Variants in RALGAPA1 observed in about 807,000 individuals in gnomAD.
The protein encoded by RALGAPA1 is Ral GTPase activating protein catalytic subunit alpha 1, also known as ral GTPase-activating protein subunit alpha-1.
Under a neutral mutation model 269.6 loss-of-function variants are expected in RALGAPA1, and 52 were observed. The observed-to-expected ratio is 0.19, with a 90% CI of 0.15 to 0.24. The LOEUF (loss-of-function observed/expected upper bound fraction) is 0.24, where lower values mean the gene tolerates loss of function less well. RALGAPA1 is among the 10% of genes least tolerant of loss of function. The pLI is 1.00. For synonymous variants in RALGAPA1, 817 were observed against 1,008.3 expected, an observed-to-expected ratio of 0.81 and a Z score of 3.60; for missense variants, 1,917 against 3,013.9, an observed-to-expected ratio of 0.64 and a Z score of 8.52.
intron 21 of RALGAPA1, among the ~76,000 whole-genome samples, chr14:35,679,877 A>C (rs1334784842): frequency 3.3e-5 from 5 of 152,212 alleles, no homozygotes; most frequent in Non-Finnish European, 7.3e-5. Context: ...CAAATGAGTA[A>C]TCATATGACC....
intron 37 of RALGAPA1, among the ~76,000 whole-genome samples, chr14:35,579,563 G>A (rs980097257): frequency 4.8e-5 from 7 of 146,764 alleles, no homozygotes; most frequent in Non-Finnish European, 8.9e-5. Flanking sequence ...AAAAGAGATC[G>A]CGCCATTGCA....
chr14:35,597,286 T>G (rs1233022846), intron 36 of RALGAPA1, among the ~76,000 whole-genome samples: 1 of 152,194 alleles, frequency 6.6e-6, no homozygotes, highest in African/African-American at 2.4e-5. Flanking sequence ...CCCGTTTCCC[T>G]CATAGCCTTT....
chr14:35,605,534 A>C, intron 36 of RALGAPA1, 52 bp downstream of exon 36: 6 of 1,508,868 alleles, frequency 4.0e-6, no homozygotes, highest in African/African-American at 1.4e-5. Flanking sequence ...AAAAAAGAAA[A>C]ATAAGCTTAT....
At chr14:35,792,973 A>G (rs553398548) in intron 1 of RALGAPA1, among the ~76,000 whole-genome samples, 82 of 152,082 alleles carry the variant, frequency 5.4e-4, no homozygotes, top group Non-Finnish European at 9.9e-4. Flanking sequence ...TAAACTAAAG[A>G]AATGATGGTA....
intron 1 of RALGAPA1, chr14:35,807,740 AG>A (rs1431442609): frequency 3.3e-5 from 5 of 152,230 alleles, no homozygotes; most frequent in African/African-American, 1.2e-4. Flanking sequence ...AATAGACTAG[AG>A]AAACATGTAC....
At chr14:35,539,799 T>G (rs2138947471) in intron 41 of RALGAPA1, 109 bp from the exon 42 acceptor site, 1 of 1,485,892 alleles carries the variant, frequency 6.7e-7, no homozygotes. Flanking sequence ...TAATAAGATC[T>G]TTCGAGGGAA....
chr14:35,741,862 T>C (rs2071584392), intron 11 of RALGAPA1, among the ~76,000 whole-genome samples: 1 of 152,186 alleles, frequency 6.6e-6, no homozygotes. Flanking sequence ...CTCTAGTCTT[T>C]CTTATCACAG....
chr14:35,681,687 T>C (rs1056996502), intron 21 of RALGAPA1, among the ~76,000 whole-genome samples: 1 of 152,194 alleles, frequency 6.6e-6, no homozygotes. Flanking sequence ...CCTTTAAGTA[T>C]ACAGTTATTT....
At chr14:35,609,517 C>A (rs550761970) in intron 35 of RALGAPA1, among the ~76,000 whole-genome samples, 1 of 152,126 alleles carries the variant, frequency 6.6e-6, no homozygotes, top group Non-Finnish European at 1.5e-5. Flanking sequence ...AAGAAGTGCT[C>A]ATTGGGAAAT....
At chr14:35,620,295 T>C (rs929531103) in intron 35 of RALGAPA1, among the ~76,000 whole-genome samples, 8 of 152,002 alleles carry the variant, frequency 5.3e-5, no homozygotes, top group African/African-American at 4.8e-5. Context: ...AAAAGGCCTT[T>C]GACAAAATTC....
chr14:35,727,875 C>A (rs567943529), intron 13 of RALGAPA1, among the ~76,000 whole-genome samples: 15 of 152,164 alleles, frequency 9.9e-5, no homozygotes, highest in African/African-American at 3.4e-4. Flanking sequence ...TCAGAAGGTG[C>A]CCAGGGAAGA....
intron 27 of RALGAPA1, 112 bp downstream of exon 27, chr14:35,664,527 GTTC>G: frequency 1.2e-6 from 1 of 851,212 alleles, no homozygotes; most frequent in Non-Finnish European, 1.8e-6. Flanking sequence ...TATGGCTAAT[GTTC>G]TTTAACAATT....
At chr14:35,766,866 T>C in intron 4 of RALGAPA1, 1 of 447,964 alleles carries the variant, frequency 2.2e-6, no homozygotes, top group South Asian at 1.8e-5. Flanking sequence ...CAGGATGATA[T>C]TTTTACACAG....
At chr14:35,793,637 GT>G (rs969169400) in intron 1 of RALGAPA1, among the ~76,000 whole-genome samples, 3 of 152,026 alleles carry the variant, frequency 2.0e-5, no homozygotes, top group African/African-American at 7.2e-5. Flanking sequence ...TTAAAAAAAT[GT>G]TTTAACCAAA....
At chr14:35,561,397 A>G (rs532335036) in intron 39 of RALGAPA1, among the ~76,000 whole-genome samples, 2 of 151,926 alleles carry the variant, frequency 1.3e-5, no homozygotes, top group Non-Finnish European at 2.9e-5. Flanking sequence ...ATTACTCTGT[A>G]TACACAGACT....
chr14:35,617,532 C>G (rs2060327890), intron 35 of RALGAPA1, among the ~76,000 whole-genome samples: 1 of 150,080 alleles, frequency 6.7e-6, no homozygotes, highest in Admixed American at 6.7e-5. Context: ...GCAGGAGAAT[C>G]ACTTGAACCC....
At chr14:35,766,247 G>A in intron 4 of RALGAPA1, 1 of 801,218 alleles carries the variant, frequency 1.2e-6, no homozygotes, top group East Asian at 2.4e-5. Context: ...CCAGATGTGT[G>A]GATGATGCAG....
intron 35 of RALGAPA1, among the ~76,000 whole-genome samples, chr14:35,615,032 CCTTA>C (rs1160139688): frequency 4.6e-5 from 7 of 152,224 alleles, no homozygotes; most frequent in South Asian, 2.1e-4. Flanking sequence ...TTATTTTTCT[CCTTA>C]CTAACTATGG....
chr14:35,654,222 T>C, intron 30 of RALGAPA1, 145 bp downstream of exon 30: 1 of 817,046 alleles, frequency 1.2e-6, no homozygotes, highest in Non-Finnish European at 1.8e-6. Flanking sequence ...TATCATGAAC[T>C]TTGATACCAC....
Sources: allele counts gnomAD v4.1 joint callset (sites outside exome capture counted in the v4.1 genomes callset), GRCh38; gene constraint gnomAD v4.1.1; transcripts MANE v1.5; gene names NCBI Gene and HGNC (gene_info 2026-07-23, HGNC 2026-07-21).